LIMCH1: variants seen among roughly 807,000 people sequenced by gnomAD.
The protein encoded by LIMCH1 is LIM and calponin homology domains-containing protein 1.
Under a neutral mutation model 176.5 loss-of-function variants are expected in LIMCH1, and 113 were observed. The observed-to-expected ratio is 0.64, with a 90% CI of 0.55 to 0.75. The LOEUF (loss-of-function observed/expected upper bound fraction) is 0.75. Ranked by LOEUF, LIMCH1 falls within the 30% of genes least tolerant of loss-of-function variation. The pLI is 0.00. For missense variants in LIMCH1, 1,674 were observed against 1,814.9 expected (o/e 0.92, Z 1.41); for synonymous variants, 619 against 645.9 (o/e 0.96, Z 0.63).
intron 23 of LIMCH1, 36 bp from the exon 24 acceptor site, chr4:41,679,970 G>GTCAGTTGAGAACAATCTATA: frequency 2.1e-6 from 3 of 1,429,092 alleles, no homozygotes; most frequent in Non-Finnish European, 2.9e-6. Flanking sequence ...GTATGCAATG[G>GTCAGTTGAGAACAATCTATA]TCAGTTGAGA....
chr4:41,532,059 G>A (rs1407969162), intron 3 of LIMCH1, among the ~76,000 whole-genome samples: 1 of 152,230 alleles, frequency 6.6e-6, no homozygotes, highest in Non-Finnish European at 1.5e-5. Context: ...CACACACAGA[G>A]GGAATGCTCA....
Position 41,412,762 on chromosome 4 carries a change from T to C in LIMCH1, c.96+51826T>C, listed in dbSNP as rs1184762343. ...TGGGATTGAAACACATCCTTCTGGA[T>C]TCAAGTACACTTGACCTTTGCCTTC... On this transcript the variant is annotated intron_variant, in intron 1 of 26. Transcript: ENST00000313860. 2.0e-5 allele frequency among the ~76,000 whole-genome samples: 3 copies of C among 152,282 alleles called. No homozygotes were observed. The East Asian group carries it at 5.8e-4, about 29-fold the overall frequency.
At chr4:41,448,138 A>G (rs1377473770) in intron 1 of LIMCH1, among the ~76,000 whole-genome samples, 1 of 152,228 alleles carries the variant, frequency 6.6e-6, no homozygotes, top group Non-Finnish European at 1.5e-5. Flanking sequence ...AATGCAGAGT[A>G]GAATGTAGGA....
intron 24 of LIMCH1, among the ~76,000 whole-genome samples, 159 bp downstream of exon 24, chr4:41,680,257 G>A (rs767339702): frequency 2.6e-5 from 4 of 152,174 alleles, no homozygotes; most frequent in Non-Finnish European, 4.4e-5. Flanking sequence ...ATGTCATTTA[G>A]GTTCTAAAAG....
At chr4:41,582,131 T>C (rs2085597033) in intron 1 of LIMCH1, among the ~76,000 whole-genome samples, 1 of 152,250 alleles carries the variant, frequency 6.6e-6, no homozygotes, top group Admixed American at 6.5e-5. Context: ...TGTAGTGTGC[T>C]AGCCATAGTG....
chr4:41,607,004 G>A (rs987556026), intron 4 of LIMCH1, among the ~76,000 whole-genome samples: 1 of 152,064 alleles, frequency 6.6e-6, no homozygotes, highest in African/African-American at 2.4e-5. Context: ...TCACCGTGTT[G>A]GCCAGGCTGG....
At chr4:41,536,172 C>A (rs752097752), upstream of LIMCH1, among the ~76,000 whole-genome samples, 2 of 152,142 alleles carry the variant, frequency 1.3e-5, no homozygotes, top group Non-Finnish European at 2.9e-5. Flanking sequence ...AGCATGTATT[C>A]CAAACCCAGG....
chr4:41,376,882 G>A (rs1168131837), intron 1 of LIMCH1, among the ~76,000 whole-genome samples: 10 of 152,192 alleles, frequency 6.6e-5, no homozygotes, highest in Non-Finnish European at 1.5e-4. Flanking sequence ...GGATAGTGGT[G>A]ATGGTTGCCC....
At chr4:41,410,968 A>G (rs1043517886) in intron 1 of LIMCH1, among the ~76,000 whole-genome samples, 3 of 152,154 alleles carry the variant, frequency 2.0e-5, no homozygotes, top group Non-Finnish European at 4.4e-5. Context: ...CTGTTTGTAG[A>G]GGTTCACACA....
intron 1 of LIMCH1, among the ~76,000 whole-genome samples, chr4:41,404,351 C>A (rs13142854): frequency 0.88 from 134,401 of 152,056 alleles, 59,703 homozygotes; most frequent in East Asian, 0.99. Context: ...CAGGAAGACC[C>A]GATACCAATG....
At chr4:41,436,246 C>T (rs1183940805) in intron 1 of LIMCH1, among the ~76,000 whole-genome samples, 1 of 152,174 alleles carries the variant, frequency 6.6e-6, no homozygotes, top group African/African-American at 2.4e-5. Flanking sequence ...CTGGACTCCA[C>T]AACTATTCAC....
chr4:41,640,182 T>G (rs542734061), intron 14 of LIMCH1, among the ~76,000 whole-genome samples: 1 of 152,334 alleles, frequency 6.6e-6, no homozygotes, highest in Non-Finnish European at 1.5e-5. Flanking sequence ...CAGAGTTAAG[T>G]AGTCTGTAAA....
At chr4:41,471,539 TG>T in intron 1 of LIMCH1, among the ~76,000 whole-genome samples, 1 of 152,330 alleles carries the variant, frequency 6.6e-6, no homozygotes, top group East Asian at 1.9e-4. Context: ...TTGCCGTAAT[TG>T]CTTTTCCACC....
chr4:41,688,171 G>A (rs764251723), intron 29 of LIMCH1, among the ~76,000 whole-genome samples: 17 of 152,216 alleles, frequency 1.1e-4, no homozygotes, highest in Non-Finnish European at 2.2e-4. Context: ...TACATTGTGT[G>A]GAACCTCCAA....
At position 41,631,432 on chromosome 4, in the gene LIMCH1, C is replaced by T. The variant is rs2093318734; in HGVS notation, c.1556C>T (p.Ser519Phe). The change falls in exon 10 of 32, where the codon TCC (serine) becomes TTC (phenylalanine). Residue 519 changes from serine (S) to phenylalanine (F), a missense_variant. This residue lies in a region of LIMCH1 where 655 missense variants were observed against 692.2 expected (regional missense o/e 0.95). Transcript: ENST00000503057. ...GTGTCTCCTGTCTCAGCGGCCACTT[C>T]CAGCTTAAAGGGCCACCAAATATTT... The part of the protein sequence containing the change: ...DSVSPVSAAT[S>F]SLKGHQIFNR... 1 of 1,530,224 alleles carries T rather than the reference C, an allele frequency of 6.5e-7. No homozygotes were observed. Among genetic ancestry groups the T allele is most frequent in the African/African-American group, 1.4e-5 (1 of 72,746 alleles). The allele number at this position is 1,530,224 out of a possible 1,614,324, so 94.8% of individuals were successfully genotyped here.
chr4:41,480,248 C>A (rs1214808601), intron 1 of LIMCH1, among the ~76,000 whole-genome samples: 1 of 151,618 alleles, frequency 6.6e-6, no homozygotes, highest in Non-Finnish European at 1.5e-5. Flanking sequence ...GTAGATCTGC[C>A]TAATTCACAG....
chr4:41,516,304 G>T (rs1216528925), intron 2 of LIMCH1, among the ~76,000 whole-genome samples: 3 of 152,214 alleles, frequency 2.0e-5, no homozygotes, highest in African/African-American at 7.2e-5. Flanking sequence ...GCAGTGGTCA[G>T]TTGGAGTGCA....
At chr4:41,408,856 A>G (rs921085787) in intron 1 of LIMCH1, among the ~76,000 whole-genome samples, 2 of 152,154 alleles carry the variant, frequency 1.3e-5, no homozygotes, top group Non-Finnish European at 2.9e-5. Flanking sequence ...CCAACAAACT[A>G]TTGCCATAGA....
chr4:41,421,010 C>T (rs1476716984), intron 1 of LIMCH1, among the ~76,000 whole-genome samples: 7 of 152,172 alleles, frequency 4.6e-5, no homozygotes, highest in Non-Finnish European at 1.0e-4. Flanking sequence ...TACACCTTGA[C>T]CTGGATCTTT....
Sources: allele counts gnomAD v4.1 joint callset (sites outside exome capture counted in the v4.1 genomes callset), GRCh38; gene constraint gnomAD v4.1.1; regional missense constraint gnomAD v4.1.1; transcripts MANE v1.5; gene names NCBI Gene and HGNC (gene_info 2026-07-23, HGNC 2026-07-21).